The following PLEKHH2 variants were observed in gnomAD, a reference collection of about 807,000 sequenced individuals.
PLEKHH2 encodes the protein pleckstrin homology, MyTH4 and FERM domain containing H2.
A neutral mutation model predicts 187.9 loss-of-function variants in PLEKHH2; 129 were observed. The observed-to-expected ratio is 0.69, with a 90% CI of 0.59 to 0.79. The LOEUF is 0.79. Ranked by LOEUF, PLEKHH2 falls within the 30% of genes least tolerant of loss-of-function variation. The probability of loss-of-function intolerance (pLI) is 0.00; values close to 1 mark genes in which losing one functional copy is unlikely to be tolerated. For missense variants in PLEKHH2, 2,076 were observed against 1,751.2 expected (o/e 1.19, Z -3.31); for synonymous variants, 686 against 605.6 (o/e 1.13, Z -1.95).
chr2:43,744,382 G>T (rs1671691247), intron 23 of PLEKHH2, among the ~76,000 whole-genome samples: 1 of 152,144 alleles, frequency 6.6e-6, no homozygotes, highest in Admixed American at 6.5e-5. Flanking sequence ...AAAAGGACCA[G>T]AAATAGTCCC....
chr2:43,691,506 A>G (rs1668793346), intron 3 of PLEKHH2, among the ~76,000 whole-genome samples: 1 of 152,238 alleles, frequency 6.6e-6, no homozygotes, highest in African/African-American at 2.4e-5. Flanking sequence ...GATGGGATCA[A>G]TCGAAAGAAA....
intron 19 of PLEKHH2, among the ~76,000 whole-genome samples, chr2:43,737,993 A>G (rs138167847): frequency 2.0e-5 from 3 of 152,346 alleles, no homozygotes; most frequent in East Asian, 1.9e-4. Flanking sequence ...TTAGAGATGA[A>G]AAATGCAGTG....
intron 16 of PLEKHH2, 105 bp downstream of exon 16, chr2:43,720,854 T>A: frequency 6.8e-7 from 1 of 1,463,252 alleles, no homozygotes; most frequent in Non-Finnish European, 9.0e-7. Context: ...TCAGAATCTT[T>A]ATGAGGTTGA....
Position 43,745,941 on chromosome 2 carries a change from G to C in PLEKHH2, c.3631G>C (p.Val1211Leu), listed in dbSNP as rs371352600. Residue 1211 changes from valine (V) to leucine (L), a missense_variant, in exon 24 of 30, where the codon GTT (valine) becomes CTT (leucine). Val to Leu is a conservative substitution (Grantham distance 32). Coordinates refer to ENST00000282406, the MANE Select transcript of PLEKHH2 (RefSeq NM_172069.4). ...QPGKCEGTRTVRLTYKNRLYF... is the reference protein window; with the variant it reads ...QPGKCEGTRTLRLTYKNRLYF... ...TGGAAAATGTGAAGGTACAAGGACT[G>C]TTCGTCTGACATACAAAAACAGGTG... 6.2e-7 allele frequency: 1 copy of C among 1,610,158 alleles called. No homozygotes were observed. The highest frequency in any genetic ancestry group is 8.5e-7 in the Non-Finnish European group (1 of 1,177,658).
At position 43,765,726 on chromosome 2, in the gene PLEKHH2, G is replaced by T; in HGVS notation, c.*128G>T. ...TATTCCAAACCTTAACAATGAAGGGGGTTAGTCTCTTTTATTTGATTCTTA... is the reference window on the plus strand; with the variant it reads ...TATTCCAAACCTTAACAATGAAGGGTGTTAGTCTCTTTTATTTGATTCTTA... On this transcript the variant is annotated 3_prime_UTR_variant, in exon 30 of 30. Coordinates refer to ENST00000282406, the MANE Select transcript of PLEKHH2 (RefSeq NM_172069.4). 1.3e-6 allele frequency: 1 copy of T among 797,962 alleles called. No homozygotes were observed. 49.4% of individuals were successfully genotyped at this position (797,962 alleles called of 1,614,324 possible). A position where few individuals can be genotyped will look rare whatever the true frequency, so the allele number is the denominator to read the frequency against.
intron 3 of PLEKHH2, chr2:43,680,653 T>A: frequency 3.0e-6 from 1 of 330,102 alleles, no homozygotes; most frequent in South Asian, 3.0e-5. Flanking sequence ...AGTGTCTGTT[T>A]GTTTAGTGGT....
intron 2 of PLEKHH2, among the ~76,000 whole-genome samples, chr2:43,670,312 T>C (rs925933912): frequency 4.6e-5 from 7 of 152,160 alleles, no homozygotes; most frequent in African/African-American, 1.7e-4. Flanking sequence ...ATAAAGGGCA[T>C]AGCAAGCAGC....
chr2:43,746,210 A>G (rs985545765), intron 24 of PLEKHH2, among the ~76,000 whole-genome samples: 1 of 152,220 alleles, frequency 6.6e-6, no homozygotes, highest in Admixed American at 6.5e-5. Flanking sequence ...AACATCAGAA[A>G]CACTAGGTCT....
At chr2:43,736,495 G>A (rs1671300346) in intron 19 of PLEKHH2, among the ~76,000 whole-genome samples, 1 of 152,140 alleles carries the variant, frequency 6.6e-6, no homozygotes, top group African/African-American at 2.4e-5. Flanking sequence ...GTCTTCCTGA[G>A]TCACGGAGAC....
Position 43,700,037 on chromosome 2 carries a change from G to C in PLEKHH2, c.1079G>C (p.Trp360Ser). The C allele has an allele frequency of 1.2e-6, 2 of 1,614,100 alleles. No individual in the cohort carries two copies. The change falls in exon 8 of 30, where the codon TGG (tryptophan) becomes TCG (serine). Residue 360 changes from tryptophan (W) to serine (S), a missense_variant. Trp to Ser is a radical substitution (Grantham distance 177). Coordinates refer to ENST00000282406, the MANE Select transcript of PLEKHH2 (RefSeq NM_172069.4). ...TATTCTTGGCAGCAGGAGGCACAGT[G>C]GAAAGCTCTAAATAGTCCTCTTGGA... ...KLYSWQQEAQWKALNSPLGKG... is the reference protein window; with the variant it reads ...KLYSWQQEAQSKALNSPLGKG...
Position 43,692,660 on chromosome 2 carries a change from G to C in PLEKHH2, c.333G>C (p.Glu111Asp), listed in dbSNP as rs142261716. The C allele has an allele frequency of 5.0e-6, 8 of 1,612,848 alleles. No individual in the cohort carries two copies. The Admixed American group carries it at 1.2e-4, about 24-fold the overall frequency. Residue 111 changes from glutamate to aspartate, a missense_variant, in exon 4 of 30, where the codon GAG becomes GAC. Transcript: ENST00000282406. ...AAAACTTGGAATTGCAACTTGAAGA[G>C]CAGGTTAGGAAGAATTTGATAAAGA... is the stretch of plus-strand genomic sequence containing the variant. ...VIQNLELQLE[E>D]QKQIRIQEAK... is the part of the protein sequence containing the mutation.
At chr2:43,672,835 A>G (rs13413026) in intron 2 of PLEKHH2, among the ~76,000 whole-genome samples, 1,926 of 152,194 alleles carry the variant, frequency 0.013, 39 homozygotes, top group African/African-American at 0.045. Flanking sequence ...GATGCAAACT[A>G]CTTTATCCAT....
intron 3 of PLEKHH2, chr2:43,680,740 G>T: frequency 2.4e-6 from 1 of 410,566 alleles, no homozygotes; most frequent in Non-Finnish European, 4.6e-6. Flanking sequence ...TCTTTCAGAA[G>T]GACCTCTATA....
chr2:43,681,513 A>T (rs1309155246), intron 3 of PLEKHH2: 194 of 1,531,728 alleles, frequency 1.3e-4, no homozygotes, highest in Non-Finnish European at 2.7e-5. Context: ...ATCTTTGTGC[A>T]GCTGGCCAGA....
chr2:43,717,693 ACTGCCTGG>A (rs1181788617), intron 15 of PLEKHH2, among the ~76,000 whole-genome samples: 1 of 152,208 alleles, frequency 6.6e-6, no homozygotes, highest in Non-Finnish European at 1.5e-5. Flanking sequence ...TGGGAACAAG[ACTGCCTGG>A]GCACAAGTCC....
intron 24 of PLEKHH2, among the ~76,000 whole-genome samples, chr2:43,751,762 G>A (rs1672019914): frequency 6.6e-6 from 1 of 152,200 alleles, no homozygotes; most frequent in Non-Finnish European, 1.5e-5. Context: ...TTCCTCTAGT[G>A]CCTTTCCTAT....
chr2:43,659,068 G>A (rs548836802), intron 2 of PLEKHH2, among the ~76,000 whole-genome samples: 1 of 151,054 alleles, frequency 6.6e-6, no homozygotes, highest in South Asian at 2.1e-4. Flanking sequence ...GACCTCCTGG[G>A]CTGAAGCGAT....
At chr2:43,640,597 C>T (rs1665854859) in intron 1 of PLEKHH2, among the ~76,000 whole-genome samples, 2 of 152,108 alleles carry the variant, frequency 1.3e-5, no homozygotes, top group African/African-American at 4.8e-5. Flanking sequence ...ACATCCTCAC[C>T]AACACTTGTT....
Position 43,645,291 on chromosome 2 carries a change from T to A in PLEKHH2, c.123+495T>A, listed in dbSNP as rs184839745. Among the ~76,000 whole-genome samples, 4 of 152,278 alleles carry A rather than the reference T, an allele frequency of 2.6e-5. No homozygotes were observed. In the East Asian group the frequency reaches 7.7e-4, roughly 29 times the overall value. On this transcript the variant is annotated intron_variant, in intron 2 of 29. Coordinates refer to ENST00000282406, the MANE Select transcript of PLEKHH2 (RefSeq NM_172069.4). ...TTATATGCTTTTCTAATCATGTAATTAGAATTTCATTTATATTACAGGAAT... is the reference window on the plus strand; with the variant it reads ...TTATATGCTTTTCTAATCATGTAATAAGAATTTCATTTATATTACAGGAAT...
Sources: gnomAD v4.1 joint callset for allele counts (sites outside exome capture counted in the v4.1 genomes callset) on GRCh38, gnomAD v4.1.1 for gene constraint, MANE v1.5 for transcripts, NCBI Gene and HGNC (gene_info 2026-07-23, HGNC 2026-07-21) for gene names.